The following INPP5A variants were observed in gnomAD, a reference collection of about 807,000 sequenced individuals.
INPP5A encodes the protein 43 kDa inositol polyphosphate 5-phophatase.
Under a neutral mutation model 65.2 loss-of-function variants are expected in INPP5A, and 14 were observed. The observed-to-expected ratio is 0.21, with a 90% CI of 0.14 to 0.34. The LOEUF is 0.34. INPP5A is among the 10% of genes least tolerant of loss of function. The pLI, the probability that INPP5A is intolerant of heterozygous loss-of-function variation, is 1.00. For missense variants in INPP5A, 431 were observed against 545.6 expected (o/e 0.79, Z 2.09); for synonymous variants, 207 against 208.3 (o/e 0.99, Z 0.05).
rs965029575 is a variant in INPP5A at position 132,674,784 on chromosome 10, G to A, written c.307-15608G>A. On this transcript the variant is annotated intron_variant, in intron 4 of 15. Transcript: ENST00000368594. The surrounding 1 kb of genome is among the most constrained non-coding windows in gnomAD (Gnocchi z 4.4). Reference sequence around the variant, plus strand: ...GTGACTTGATGACCCATAGACAAACGTTCAGTTTCCACCAAAGCCCAGTAA... The same window carrying A: ...GTGACTTGATGACCCATAGACAAACATTCAGTTTCCACCAAAGCCCAGTAA... 6.6e-6 allele frequency among the ~76,000 whole-genome samples: 1 copy of A among 152,124 alleles called. No homozygotes were observed. Among genetic ancestry groups the A allele is most frequent in the South Asian group, 2.1e-4 (1 of 4,832 alleles).
chr10:132,726,024 C>T (rs78034787), intron 8 of INPP5A, among the ~76,000 whole-genome samples: 3,275 of 152,096 alleles, frequency 0.022, 54 homozygotes, highest in South Asian at 0.053. Flanking sequence ...GCGTTACTGA[C>T]TGGAGCCGCT....
rs556832743 is a variant in INPP5A at position 132,685,676 on chromosome 10, C to T, written c.307-4716C>T. On this transcript the variant is annotated intron_variant, in intron 4 of 15. Transcript: ENST00000368594. ...TGTCAGCCTCTGCCCCGGCCTGAGT[C>T]ATCCCGAGCCTTCCAGCCGGTGGCT... Among the ~76,000 whole-genome samples the T allele has an allele frequency of 1.1e-3, 172 of 152,370 alleles. 2 individuals carry two copies. The highest frequency in any genetic ancestry group is 4.0e-3 in the African/African-American group (167 of 41,596).
At chr10:132,774,636 T>C (rs1847013309) in intron 12 of INPP5A, among the ~76,000 whole-genome samples, 1 of 152,064 alleles carries the variant, frequency 6.6e-6, no homozygotes, top group South Asian at 2.1e-4. Context: ...GCCGGGCTTT[T>C]AAGCTTGTTG....
intron 1 of INPP5A, among the ~76,000 whole-genome samples, chr10:132,592,450 CT>C: frequency 6.6e-6 from 1 of 152,350 alleles, no homozygotes; most frequent in Middle Eastern, 3.4e-3. Context: ...GAGTCTTGCT[CT>C]GTGGCCCAGG....
chr10:132,564,784 C>T (rs970028284), intron 1 of INPP5A, among the ~76,000 whole-genome samples: 1 of 152,176 alleles, frequency 6.6e-6, no homozygotes, highest in African/African-American at 2.4e-5. Flanking sequence ...CAGATGGGCT[C>T]TTCTATGAGG....
Position 132,645,880 on chromosome 10 carries a change from C to A in INPP5A, c.130C>A (p.His44Asn). Residue 44 changes from histidine (H) to asparagine (N), a missense_variant, in exon 3 of 16, where the codon CAC becomes AAC. Physicochemically the swap from His to Asn is moderately conservative, Grantham distance 68. Coordinates refer to ENST00000368594, the MANE Select transcript of INPP5A (RefSeq NM_005539.5). ...LREFYQVVHT[H>N]KPHFMALHCQ... ...TCTCTCCCTCCAGGTCGTGCACACA[C>A]ACAAGCCGCACTTCATGGCCTTGCA... 1 of 1,613,656 alleles carries A rather than the reference C, an allele frequency of 6.2e-7. No individual in the cohort carries two copies. The highest frequency in any genetic ancestry group is 8.5e-7 in the Non-Finnish European group (1 of 1,179,738).
Position 132,616,051 on chromosome 10 carries a change from G to A in INPP5A, c.117+8095G>A, listed in dbSNP as rs1196630701. Among the ~76,000 whole-genome samples the A allele has an allele frequency of 6.6e-6, 1 of 152,186 alleles. No homozygotes were observed. Among genetic ancestry groups the A allele is most frequent in the African/African-American group, 2.4e-5 (1 of 41,448 alleles). On this transcript the variant is annotated intron_variant, in intron 2 of 15. Transcript: ENST00000368594. This position sits in a 1 kb window ranked among gnomAD's most constrained non-coding sequence, Gnocchi z 4.9. Reference sequence around the variant, plus strand: ...AGCTGCCGGTTCCGGGTCCTGTGGGGAGCGGTGAGGGATGGTCGTGTGCGT... The same window carrying A: ...AGCTGCCGGTTCCGGGTCCTGTGGGAAGCGGTGAGGGATGGTCGTGTGCGT...
intron 2 of INPP5A, among the ~76,000 whole-genome samples, chr10:132,625,942 T>A (rs1340777819): frequency 1.3e-5 from 2 of 152,128 alleles, no homozygotes; most frequent in African/African-American, 4.8e-5. Context: ...AATATATTGA[T>A]CTTTGGTGCA....
At chr10:132,668,845 A>T (rs11146457) in intron 4 of INPP5A, among the ~76,000 whole-genome samples, 1 of 152,034 alleles carries the variant, frequency 6.6e-6, no homozygotes, top group Admixed American at 6.5e-5. Context: ...GCCGAGCTCC[A>T]TCGCACGACC....
At chr10:132,562,999 G>A (rs549147375) in intron 1 of INPP5A, among the ~76,000 whole-genome samples, 3 of 152,340 alleles carry the variant, frequency 2.0e-5, no homozygotes, top group African/African-American at 7.2e-5. Context: ...GAGGGTTGTG[G>A]GGAGGGCGCG....
At chr10:132,713,861 T>G (rs1845693295) in intron 8 of INPP5A, among the ~76,000 whole-genome samples, 1 of 151,724 alleles carries the variant, frequency 6.6e-6, no homozygotes, top group African/African-American at 2.4e-5. Flanking sequence ...GCAGCACAGG[T>G]GGGGGATGGG....
intron 1 of INPP5A, among the ~76,000 whole-genome samples, chr10:132,571,706 G>A (rs75618743): frequency 0.015 from 2,332 of 152,340 alleles, 32 homozygotes; most frequent in South Asian, 0.039. Context: ...CCTGACGTGC[G>A]TGCTGTAAGG....
rs190245567 is a variant in INPP5A, at chr10:132,627,460, G to A, written c.118-18408G>A. Among the ~76,000 whole-genome samples the A allele has an allele frequency of 1.6e-4, 24 of 152,302 alleles. No homozygotes were observed. The East Asian group carries it at 1.9e-3, about 12-fold the overall frequency. On this transcript the variant is annotated intron_variant, in intron 2 of 15. Coordinates refer to ENST00000368594, the MANE Select transcript of INPP5A (RefSeq NM_005539.5). This position sits in a 1 kb window ranked among gnomAD's most constrained non-coding sequence, Gnocchi z 6.6. ...GTGCTGGGCGCGGCTCCCAAGATGC[G>A]TGCAGCTGTCCGCGGTGGCTGCCTC...
intron 11 of INPP5A, among the ~76,000 whole-genome samples, chr10:132,755,118 C>T (rs561851624): frequency 8.6e-5 from 13 of 151,040 alleles, no homozygotes; most frequent in East Asian, 5.9e-4. Flanking sequence ...TGTGAGCTGG[C>T]GTGTGAGCAG....
At chr10:132,726,341 C>T (rs917335147) in intron 8 of INPP5A, among the ~76,000 whole-genome samples, 2 of 152,254 alleles carry the variant, frequency 1.3e-5, no homozygotes, top group African/African-American at 4.8e-5. Flanking sequence ...GCCGGTTCAC[C>T]TGCACGCGCC....
intron 9 of INPP5A, among the ~76,000 whole-genome samples, chr10:132,731,001 G>C (rs556468304): frequency 2.0e-5 from 3 of 152,196 alleles, no homozygotes; most frequent in South Asian, 4.1e-4. Flanking sequence ...GAACATTCCC[G>C]TGGACTTGCT....
chr10:132,654,096 G>C (rs1402950680), intron 4 of INPP5A, among the ~76,000 whole-genome samples: 1 of 152,254 alleles, frequency 6.6e-6, no homozygotes, highest in Non-Finnish European at 1.5e-5. Context: ...TGTTCCTCCA[G>C]TCACCCTCAC....
intron 7 of INPP5A, among the ~76,000 whole-genome samples, chr10:132,709,275 G>A (rs1845592426): frequency 7.8e-6 from 1 of 127,644 alleles, no homozygotes; most frequent in African/African-American, 3.0e-5. Context: ...AGGGAGGGAG[G>A]GGGGAGGAGG....
chr10:132,573,152 G>A (rs533102974), intron 1 of INPP5A, among the ~76,000 whole-genome samples: 22 of 147,750 alleles, frequency 1.5e-4, no homozygotes, highest in Admixed American at 2.7e-4. Flanking sequence ...TGGGGTGTGT[G>A]TGCCGTGTGA....
Sources: gnomAD v4.1 joint callset for allele counts (sites outside exome capture counted in the v4.1 genomes callset) on GRCh38, gnomAD v4.1.1 for gene constraint, Gnocchi (gnomAD v3.1) non-coding constraint, MANE v1.5 for transcripts, NCBI Gene and HGNC (gene_info 2026-07-23, HGNC 2026-07-21) for gene names.